NAALADL2: variants seen among roughly 807,000 people sequenced by gnomAD.
NAALADL2 encodes N-acetylated alpha-linked acidic dipeptidase like 2.
A neutral mutation model predicts 87.2 loss-of-function variants in NAALADL2; 76 were observed. The ratio of observed to expected loss-of-function variants is 0.87; its 90% CI spans 0.72 to 1.05. NAALADL2 has a LOEUF of 1.05. Ranked by LOEUF, NAALADL2 falls within the 50% of genes least tolerant of loss-of-function variation. The pLI, the probability that NAALADL2 is intolerant of heterozygous loss-of-function variation, is 0.00. For missense variants in NAALADL2, 1,089 were observed against 945.8 expected (o/e 1.15, Z -1.99); for synonymous variants, 354 against 331.0 (o/e 1.07, Z -0.75).
At chr3:175,698,473 G>GTATATATTTATATATATATA (rs1315132432) in intron 11 of NAALADL2, among the ~76,000 whole-genome samples, 1 of 82,048 alleles carries the variant, frequency 1.2e-5, no homozygotes, top group African/African-American at 9.4e-5. Flanking sequence ...ATATATGTGT[G>GTATATATTTATATATATATA]TATATATATT....
chr3:175,095,154 TTC>T (rs1381337436), intron 1 of NAALADL2, among the ~76,000 whole-genome samples: 1 of 152,038 alleles, frequency 6.6e-6, no homozygotes, highest in Admixed American at 6.6e-5. Context: ...GGCATTCTTA[TTC>T]TCTCTTTGTG....
intron 12 of NAALADL2, among the ~76,000 whole-genome samples, chr3:175,738,077 T>C (rs973618112): frequency 3.3e-5 from 5 of 152,002 alleles, no homozygotes; most frequent in African/African-American, 7.3e-5. Flanking sequence ...GATTTCACCC[T>C]CCTCCTCTTT....
rs187258513 is a variant in NAALADL2, at chr3:175,034,621, A to G, written c.44-62169A>G. 3.0e-3 allele frequency among the ~76,000 whole-genome samples: 462 copies of G among 152,138 alleles called. 2 individuals carry two copies. Among genetic ancestry groups the G allele is most frequent in the African/African-American group, 0.01 (433 of 41,512 alleles). Reference sequence around the variant, plus strand: ...TATTTTTCTTCATGGCATGTTATTTATTATTGATAGTAAGGCATACTGGTG... The same window carrying G: ...TATTTTTCTTCATGGCATGTTATTTGTTATTGATAGTAAGGCATACTGGTG... On this transcript the variant is annotated intron_variant, in intron 1 of 13. Coordinates refer to ENST00000454872, the MANE Select transcript of NAALADL2 (RefSeq NM_207015.3).
chr3:175,666,991 C>A (rs577324358), intron 11 of NAALADL2, among the ~76,000 whole-genome samples: 11 of 151,632 alleles, frequency 7.3e-5, no homozygotes, highest in African/African-American at 2.4e-4. Context: ...ATGCTTTTGA[C>A]AAATAAATAT....
chr3:175,310,330 T>C (rs559384332), intron 4 of NAALADL2, among the ~76,000 whole-genome samples: 2 of 128,778 alleles, frequency 1.6e-5, no homozygotes, highest in South Asian at 4.2e-4. Context: ...TAGTCACCAT[T>C]TTTTTTTCTT....
chr3:175,143,370 C>A (rs1234554805), intron 2 of NAALADL2, among the ~76,000 whole-genome samples: 1 of 151,804 alleles, frequency 6.6e-6, no homozygotes, highest in African/African-American at 2.4e-5. Flanking sequence ...AAAACCAATT[C>A]TGTCCTCTGA....
At position 174,686,478 on chromosome 3, in the gene NAALADL2, T is replaced by C. The variant is rs145173504; in HGVS notation, c.-114-51163T>C. Among the ~76,000 whole-genome samples the C allele has an allele frequency of 3.0e-3, 451 of 152,086 alleles. 4 individuals carry two copies. Among genetic ancestry groups the C allele is most frequent in the African/African-American group, 0.01 (433 of 41,512 alleles). ...GACTGGTGATGTTAAGCTTTTTTCA[T>C]ATGTTGAGCTTTTTTTTTTTCCACA... On this transcript the variant is annotated intron_variant, in intron 2 of 3. Transcript: ENST00000434257.
At chr3:174,686,708 A>G (rs1427456173) in intron 2 of NAALADL2, among the ~76,000 whole-genome samples, 1 of 152,166 alleles carries the variant, frequency 6.6e-6, no homozygotes, top group African/African-American at 2.4e-5. Flanking sequence ...TATCTATTCA[A>G]TAAATGGTGC....
chr3:174,642,749 CATATATATATATATATATATATAT>C (rs71624288), intron 2 of NAALADL2, among the ~76,000 whole-genome samples: 30 of 130,294 alleles, frequency 2.3e-4, no homozygotes, highest in South Asian at 5.0e-4. Context: ...TGAAAAAAAA[CATATATATATATATATATATATAT>C]ATATATATAT....
At chr3:174,622,529 C>T (rs1721109857) in intron 2 of NAALADL2, among the ~76,000 whole-genome samples, 1 of 152,126 alleles carries the variant, frequency 6.6e-6, no homozygotes. Flanking sequence ...ACTTTTGAAT[C>T]CCTCCAAATT....
intron 2 of NAALADL2, among the ~76,000 whole-genome samples, chr3:174,715,891 A>G (rs1034114327): frequency 6.6e-6 from 1 of 151,994 alleles, no homozygotes; most frequent in African/African-American, 2.4e-5. Context: ...ATTATCTGCA[A>G]TTTTTCTAAG....
chr3:174,588,380 CAA>C (rs1716961716), intron 2 of NAALADL2, among the ~76,000 whole-genome samples: 1 of 152,168 alleles, frequency 6.6e-6, no homozygotes, highest in Non-Finnish European at 1.5e-5. Flanking sequence ...CTCAACTCAT[CAA>C]AGTCATTTTC....
At chr3:174,971,998 G>A (rs989788004) in intron 1 of NAALADL2, among the ~76,000 whole-genome samples, 2 of 151,856 alleles carry the variant, frequency 1.3e-5, no homozygotes, top group Admixed American at 6.6e-5. Context: ...GCGTCCAGCC[G>A]TGTTTTCTTT....
chr3:175,002,077 T>C (rs1407519276), intron 1 of NAALADL2, among the ~76,000 whole-genome samples: 1 of 152,158 alleles, frequency 6.6e-6, no homozygotes, highest in Non-Finnish European at 1.5e-5. Context: ...TTTCCCATGA[T>C]ACGTCCCATG....
At chr3:174,508,114 G>GTTTTTTTTTTTTTTTTTTTTT (rs1311325384) in intron 1 of NAALADL2, among the ~76,000 whole-genome samples, 4 of 103,884 alleles carry the variant, frequency 3.9e-5, no homozygotes, top group African/African-American at 7.1e-5. Flanking sequence ...ATATCTAGTG[G>GTTTTTTTTTTTTTTTTTTTTT]TTTTTTTTTT....
intron 9 of NAALADL2, among the ~76,000 whole-genome samples, chr3:175,541,123 GCAAGGCC>G (rs907408694): frequency 6.6e-6 from 1 of 152,178 alleles, no homozygotes; most frequent in African/African-American, 2.4e-5. Flanking sequence ...GACCAATCAG[GCAAGGCC>G]TTGAGATATC....
intron 5 of NAALADL2, among the ~76,000 whole-genome samples, chr3:175,366,607 C>T (rs528075076): frequency 6.6e-6 from 1 of 151,890 alleles, no homozygotes; most frequent in South Asian, 2.1e-4. Context: ...CTCTGATGGC[C>T]AGTGATGATG....
intron 1 of NAALADL2, among the ~76,000 whole-genome samples, chr3:175,039,368 A>G (rs1042105337): frequency 6.6e-6 from 1 of 152,122 alleles, no homozygotes; most frequent in African/African-American, 2.4e-5. Context: ...GGTTTTTACC[A>G]TATTGGCCAG....
At chr3:174,970,783 A>G (rs1023601823) in intron 1 of NAALADL2, among the ~76,000 whole-genome samples, 1 of 152,186 alleles carries the variant, frequency 6.6e-6, no homozygotes, top group African/African-American at 2.4e-5. Context: ...TCTAAATCAT[A>G]CATATTTATA....
Sources: allele counts gnomAD v4.1 joint callset (sites outside exome capture counted in the v4.1 genomes callset), GRCh38; gene constraint gnomAD v4.1.1; transcripts MANE v1.5; gene names NCBI Gene and HGNC (gene_info 2026-07-23, HGNC 2026-07-21).